The following OR56A3 variants were observed in gnomAD, a reference collection of about 807,000 sequenced individuals.
The protein encoded by OR56A3 is olfactory receptor family 56 subfamily A member 3.
OR56A3 carries 23 observed loss-of-function variants against 17.5 expected under a neutral mutation model. The ratio of observed to expected loss-of-function variants is 1.32; its 90% CI spans 0.95 to 1.87. OR56A3 has a LOEUF of 1.87. OR56A3 is among the 40% of genes most tolerant of loss of function. The probability of loss-of-function intolerance (pLI) is 0.00; values close to 1 mark genes in which losing one functional copy is unlikely to be tolerated. For missense variants in OR56A3, 366 were observed against 380.1 expected, an observed-to-expected ratio of 0.96 and a Z score of 0.31; for synonymous variants, 175 against 150.6, an observed-to-expected ratio of 1.16 and a Z score of -1.19.
chr11:5,967,128 CAA>C, the OR56A3 span: 65 of 130,368 alleles, frequency 5.0e-4, no homozygotes, highest in Middle Eastern at 3.6e-3. Flanking sequence ...CCATTCATGG[CAA>C]AAAAAAAAAA....
the OR56A3 span, chr11:5,987,044 G>C: frequency 3.2e-6 from 3 of 927,904 alleles, no homozygotes; most frequent in Non-Finnish European, 3.3e-6. Flanking sequence ...CTACAGGGAA[G>C]AAAATCTCCT....
At chr11:5,971,548 A>C in the OR56A3 span, among the ~76,000 whole-genome samples, 5 of 152,158 alleles carry the variant, frequency 3.3e-5, no homozygotes, top group African/African-American at 1.2e-4. Context: ...TACTAAGAAG[A>C]CTGTACTTAG....
At chr11:5,986,755 C>T in the OR56A3 span, 12 of 1,613,910 alleles carry the variant, frequency 7.4e-6, no homozygotes, top group African/African-American at 1.6e-4. Flanking sequence ...GGTAACATTG[C>T]CCACTAAAGC....
At chr11:5,968,604 T>G in the OR56A3 span, 1 of 840,514 alleles carries the variant, frequency 1.2e-6, no homozygotes, top group South Asian at 1.8e-5. Context: ...TTTTCTAATT[T>G]ATAAAATGTA....
chr11:5,970,183 A>G, the OR56A3 span, among the ~76,000 whole-genome samples: 1 of 152,250 alleles, frequency 6.6e-6, no homozygotes, highest in Non-Finnish European at 1.5e-5. Flanking sequence ...AGAATTGGAA[A>G]TCATCAACAC....
the OR56A3 span, chr11:6,019,458 G>C: frequency 1.1e-4 from 16 of 152,222 alleles, no homozygotes; most frequent in African/African-American, 3.9e-4. Context: ...ATTTACAAAA[G>C]AAATAGGTTT....
chr11:5,969,884 G>T, the OR56A3 span, among the ~76,000 whole-genome samples: 37,639 of 151,914 alleles, frequency 0.25, 4,718 homozygotes, highest in Non-Finnish European at 0.27. Flanking sequence ...TGAGAAAAAT[G>T]GGCATATTTT....
chr11:5,991,907 C>T, the OR56A3 span, among the ~76,000 whole-genome samples: 1 of 152,184 alleles, frequency 6.6e-6, no homozygotes, highest in African/African-American at 2.4e-5. Flanking sequence ...AGTTAGCCCC[C>T]AGATTGGCTG....
chr11:5,965,476 C>T, the OR56A3 span, among the ~76,000 whole-genome samples: 1 of 152,200 alleles, frequency 6.6e-6, no homozygotes, highest in East Asian at 1.9e-4. Flanking sequence ...GGTAAGATTG[C>T]ATTGAACTGT....
chr11:5,988,656 T>C, the OR56A3 span, among the ~76,000 whole-genome samples: 2 of 152,214 alleles, frequency 1.3e-5, no homozygotes, highest in Admixed American at 6.5e-5. Flanking sequence ...GGCTTCTTTC[T>C]TTTCTTCTTT....
the OR56A3 span, among the ~76,000 whole-genome samples, chr11:5,988,795 T>C: frequency 6.6e-6 from 1 of 152,240 alleles, no homozygotes; most frequent in Non-Finnish European, 1.5e-5. Flanking sequence ...GTCCATGGGA[T>C]TCACCCTTGA....
At chr11:5,947,242 A>G (rs934143693) in intron 2 of OR56A3, 69 bp from the exon 3 acceptor site, 2 of 1,088,518 alleles carry the variant, frequency 1.8e-6, no homozygotes, top group African/African-American at 1.6e-5. Context: ...AGTTGTACCT[A>G]TGACAAACAA....
chr11:5,972,529 G>A, the OR56A3 span, among the ~76,000 whole-genome samples: 1 of 152,122 alleles, frequency 6.6e-6, no homozygotes, highest in Admixed American at 6.5e-5. Context: ...AGTAACCAGA[G>A]CTGAGACTGC....
chr11:5,959,810 T>C, the OR56A3 span, among the ~76,000 whole-genome samples: 1 of 152,210 alleles, frequency 6.6e-6, no homozygotes, highest in Non-Finnish European at 1.5e-5. Context: ...GTTCTCATAT[T>C]TAAGTCTTTA....
At chr11:5,969,346 T>G in the OR56A3 span, among the ~76,000 whole-genome samples, 1 of 152,258 alleles carries the variant, frequency 6.6e-6, no homozygotes, top group Non-Finnish European at 1.5e-5. Flanking sequence ...TTTCAAATAC[T>G]AAATCTCCTC....
At chr11:5,987,135 T>C in the OR56A3 span, 1 of 603,210 alleles carries the variant, frequency 1.7e-6, no homozygotes, top group Non-Finnish European at 2.9e-6. Flanking sequence ...GAGATAAGAG[T>C]AAACATAAGC....
chr11:5,972,267 G>A, the OR56A3 span, among the ~76,000 whole-genome samples: 2 of 152,188 alleles, frequency 1.3e-5, no homozygotes, highest in Non-Finnish European at 2.9e-5. Context: ...TGAGATTGCT[G>A]AGACTGCAGA....
chr11:5,982,758 T>C, the OR56A3 span, among the ~76,000 whole-genome samples: 1 of 151,950 alleles, frequency 6.6e-6, no homozygotes, highest in Non-Finnish European at 1.5e-5. Flanking sequence ...TCCAAACACT[T>C]CTCCCTGATA....
At chr11:5,942,881 A>G (rs912512631) in intron 1 of OR56A3, among the ~76,000 whole-genome samples, 1 of 152,250 alleles carries the variant, frequency 6.6e-6, no homozygotes, top group East Asian at 1.9e-4. Flanking sequence ...TTACTTTTTA[A>G]AACAGGGTTT....
Sources: allele counts gnomAD v4.1 joint callset (sites outside exome capture counted in the v4.1 genomes callset), GRCh38; gene constraint gnomAD v4.1.1; transcripts MANE v1.5; gene names NCBI Gene and HGNC (gene_info 2026-07-23, HGNC 2026-07-21).